The following PUDP variants were observed in gnomAD, a reference collection of about 807,000 sequenced individuals.
PUDP encodes the protein pseudouridine 5'-phosphatase.
PUDP carries 8 observed loss-of-function variants against 9.4 expected under a neutral mutation model. The observed-to-expected ratio is 0.85, with a 90% confidence interval of 0.50 to 1.53. The LOEUF (loss-of-function observed/expected upper bound fraction) is 1.53, where lower values mean the gene tolerates loss of function less well. Ranked by LOEUF, PUDP falls within the 40% of genes most tolerant of loss-of-function variation. The probability of loss-of-function intolerance (pLI) is 0.00; values close to 1 mark genes in which losing one functional copy is unlikely to be tolerated. For synonymous variants in PUDP, 99 were observed against 80.7 expected, an observed-to-expected ratio of 1.23 and a Z score of -1.22; for missense variants, 188 against 189.7, an observed-to-expected ratio of 0.99 and a Z score of 0.05.
At chrX:7,013,681 G>A (rs993767404) in intron 1 of PUDP, among the ~76,000 whole-genome samples, 1 of 112,059 alleles carries the variant, frequency 8.9e-6, no homozygotes, top group African/African-American at 3.2e-5. Flanking sequence ...CCGCTTGGTC[G>A]CTCAAACCCC....
Position 6,983,975 on chromosome X carries a change from C to T in PUDP, c.205-5632G>A, listed in dbSNP as rs999927559. On this transcript the variant is annotated intron_variant and NMD_transcript_variant, in intron 1 of 3. Coordinates refer to the PUDP transcript ENST00000655425. ...ACTCCCACACTGTGGAGTGTACTTT[C>T]GTTTTCAATAAATCCCTTTATTCCT... 3.6e-5 allele frequency among the ~76,000 whole-genome samples: 4 copies of T among 112,491 alleles called. No homozygotes were observed. The South Asian group carries it at 1.5e-3, about 41-fold the overall frequency.
At chrX:6,706,764 T>TC (rs1348032899) in intron 1 of PUDP, among the ~76,000 whole-genome samples, 1 of 111,573 alleles carries the variant, frequency 9.0e-6, no homozygotes, top group Non-Finnish European at 1.9e-5. Context: ...TTGCCTTGCT[T>TC]CCCTTCTTCC....
At chrX:6,785,451 T>C (rs1486068539) in intron 3 of PUDP, among the ~76,000 whole-genome samples, 2 of 112,337 alleles carry the variant, frequency 1.8e-5, no homozygotes, top group African/African-American at 6.5e-5. Flanking sequence ...CTTCAAATTA[T>C]ATTTCTTTTT....
chrX:6,952,389 A>G (rs1201932199), intron 3 of PUDP, among the ~76,000 whole-genome samples: 1 of 112,305 alleles, frequency 8.9e-6, no homozygotes, highest in Non-Finnish European at 1.9e-5. Flanking sequence ...CGTCAAAACT[A>G]TGAAACCATC....
intron 1 of PUDP, among the ~76,000 whole-genome samples, chrX:7,131,787 T>A (rs1038878077): frequency 3.8e-5 from 4 of 105,709 alleles, no homozygotes; most frequent in Admixed American, 3.2e-4. Flanking sequence ...GGCTACGAGA[T>A]AAAATGTGAA....
intron 3 of PUDP, among the ~76,000 whole-genome samples, chrX:7,061,222 A>C (rs1337531237): frequency 9.0e-6 from 1 of 111,391 alleles, no homozygotes; most frequent in East Asian, 2.8e-4. Context: ...GTGTTTCTCA[A>C]CCATTTCATT....
chrX:6,815,506 A>C (rs1331596225), intron 3 of PUDP, among the ~76,000 whole-genome samples: 3 of 111,927 alleles, frequency 2.7e-5, no homozygotes, highest in East Asian at 5.6e-4. Flanking sequence ...AAGAGAGATA[A>C]AGAATTTGTC....
At position 7,058,148 on chromosome X, in the gene PUDP, T is replaced by C. The variant is rs142814526; in HGVS notation, c.511-7676A>G. On this transcript the variant is annotated intron_variant, in intron 3 of 3. Coordinates refer to ENST00000381077, the MANE Select transcript of PUDP (RefSeq NM_012080.5). ...CTCCTCCAGGCCACAGGCAGAGTGC[T>C]GCCCGTGCCTACTTGGGATCACATT... Among the ~76,000 whole-genome samples, 306 of 112,057 alleles carry C rather than the reference T, an allele frequency of 2.7e-3. 5 individuals carry two copies. Among genetic ancestry groups the C allele is most frequent in the Admixed American group, 0.025 (267 of 10,640 alleles).
intron 3 of PUDP, among the ~76,000 whole-genome samples, chrX:6,878,275 C>T (rs1243794095): frequency 1.8e-5 from 2 of 111,007 alleles, no homozygotes; most frequent in African/African-American, 6.5e-5. Flanking sequence ...TCTGAATCTG[C>T]TCATCTTCAG....
intron 3 of PUDP, among the ~76,000 whole-genome samples, chrX:6,733,634 C>T (rs1223118738): frequency 2.7e-5 from 3 of 109,662 alleles, no homozygotes; most frequent in African/African-American, 1.0e-4. Context: ...GCGGCTCAGA[C>T]CAGAAGGGTG....
intron 1 of PUDP, among the ~76,000 whole-genome samples, chrX:7,010,583 T>C (rs1929462972): frequency 8.9e-6 from 1 of 111,980 alleles, no homozygotes; most frequent in South Asian, 3.8e-4. Context: ...AAGATGCCCA[T>C]AGAGACAAAG....
At chrX:6,803,053 AATAAAAT>A (rs1400627984) in intron 3 of PUDP, among the ~76,000 whole-genome samples, 9 of 11,512 alleles carry the variant, frequency 7.8e-4, no homozygotes, top group African/African-American at 2.3e-3. Context: ...TAAAATATAA[AATAAAAT>A]ATAAAATAAA....
intron 3 of PUDP, among the ~76,000 whole-genome samples, chrX:6,734,115 G>C (rs1333339627): frequency 9.0e-6 from 1 of 110,825 alleles, no homozygotes; most frequent in Admixed American, 9.6e-5. Flanking sequence ...TTTCCGCCTT[G>C]ACAGGGATCC....
intron 1 of PUDP, among the ~76,000 whole-genome samples, chrX:7,022,412 A>G (rs1467186660): frequency 8.9e-6 from 1 of 112,162 alleles, no homozygotes; most frequent in African/African-American, 3.2e-5. Context: ...AGCAAGGGTA[A>G]GATTTCCCAT....
At chrX:7,147,203 C>T (rs1011516698) in intron 1 of PUDP, among the ~76,000 whole-genome samples, 39 of 110,574 alleles carry the variant, frequency 3.5e-4, no homozygotes, top group African/African-American at 1.3e-3. Context: ...AACGTTCACG[C>T]GCTTAAAATG....
At chrX:6,886,577 C>T (rs1257447497) in intron 3 of PUDP, among the ~76,000 whole-genome samples, 2 of 111,456 alleles carry the variant, frequency 1.8e-5, no homozygotes, top group African/African-American at 6.5e-5. Context: ...AGTTTTTTAA[C>T]TCACCAAAAA....
At chrX:6,876,756 T>C (rs1033469198) in intron 3 of PUDP, among the ~76,000 whole-genome samples, 2 of 110,376 alleles carry the variant, frequency 1.8e-5, no homozygotes, top group Admixed American at 1.9e-4. Context: ...TGCATGTTTG[T>C]GTCTATACAT....
intron 3 of PUDP, among the ~76,000 whole-genome samples, chrX:7,055,575 TCTTTAGA>T (rs201444693): frequency 0.023 from 2,575 of 111,297 alleles, 47 homozygotes; most frequent in African/African-American, 0.051. Flanking sequence ...TTTTATGTCG[TCTTTAGA>T]CTTCGTTACA....
intron 3 of PUDP, among the ~76,000 whole-genome samples, chrX:6,788,085 A>T (rs1925676435): frequency 8.9e-6 from 1 of 112,107 alleles, no homozygotes. Context: ...CCCCCAAATT[A>T]CTATGGTTTG....
Sources: gnomAD v4.1 joint callset for allele counts (sites outside exome capture counted in the v4.1 genomes callset) on GRCh38, gnomAD v4.1.1 for gene constraint, MANE v1.5 for transcripts, NCBI Gene and HGNC (gene_info 2026-07-23, HGNC 2026-07-21) for gene names.